Variants in ANKFY1 observed in about 807,000 individuals in gnomAD.
ANKFY1 encodes ankyrin repeat and FYVE domain-containing protein 1.
Under a neutral mutation model 128.3 loss-of-function variants are expected in ANKFY1, and 47 were observed. That is an observed-to-expected ratio of 0.37 (90% CI 0.29 to 0.47). The LOEUF is 0.47. Ranked by LOEUF, ANKFY1 falls within the 20% of genes least tolerant of loss-of-function variation. The probability of loss-of-function intolerance (pLI) is 1.00; values close to 1 mark genes in which losing one functional copy is unlikely to be tolerated. For synonymous variants in ANKFY1, 553 were observed against 601.6 expected (o/e 0.92, Z 1.18); for missense variants, 1,222 against 1,510.6 (o/e 0.81, Z 3.17).
intron 4 of ANKFY1, 43 bp downstream of exon 4, chr17:4,216,940 C>T: frequency 6.2e-7 from 1 of 1,612,680 alleles, no homozygotes; most frequent in Non-Finnish European, 8.5e-7. Flanking sequence ...TAAAGCTCAG[C>T]CACCACCATC....
intron 2 of ANKFY1, among the ~76,000 whole-genome samples, chr17:4,239,802 G>A (rs1412274545): frequency 6.6e-6 from 1 of 151,956 alleles, no homozygotes; most frequent in Non-Finnish European, 1.5e-5. Flanking sequence ...GCCTCCCAAA[G>A]TGCTGGGATT....
At chr17:4,242,632 C>G (rs1020339432) in intron 1 of ANKFY1, among the ~76,000 whole-genome samples, 184 bp from the exon 2 acceptor site, 4 of 152,236 alleles carry the variant, frequency 2.6e-5, no homozygotes, top group Non-Finnish European at 5.9e-5. Flanking sequence ...GTGGCTCACA[C>G]CTGTAATCCC....
Position 4,164,265 on chromosome 17 carries a change from ATATAT to A in ANKFY1, c.*3509_*3513del, listed in dbSNP as rs1234525744. The A allele has an allele frequency of 1.3e-5, 2 of 152,708 alleles. No individual in the cohort carries two copies. Among genetic ancestry groups the A allele is most frequent in the Admixed American group, 6.5e-5 (1 of 15,292 alleles). 9.5% of individuals were successfully genotyped at this position (152,708 alleles called of 1,614,324 possible). ...CAATGTTGTCAGTTGTAACAGGTTA[ATATAT>A]TATTTATGCCACACAAAAAAGGAAT... On this transcript the variant is annotated 3_prime_UTR_variant, in exon 25 of 25. Transcript: ENST00000341657.
rs2059518517 is a variant in ANKFY1 at position 4,181,644 on chromosome 17, A to G, written c.2122-272T>C. Among the ~76,000 whole-genome samples, 1 of 152,246 alleles carries G rather than the reference A, an allele frequency of 6.6e-6. No individual in the cohort carries two copies. Among genetic ancestry groups the G allele is most frequent in the Non-Finnish European group, 1.5e-5 (1 of 68,040 alleles). ...TTTGTGTCCTTTAGAGCTGAGTTCT[A>G]GAAGGGACAGAAAACAGAAAGTGTC... On this transcript the variant is annotated intron_variant, in intron 15 of 24. Coordinates refer to ENST00000341657, the MANE Select transcript of ANKFY1 (RefSeq NM_001330063.2). The surrounding 1 kb of genome is among the most constrained non-coding windows in gnomAD (Gnocchi z 4.9).
intron 3 of ANKFY1, among the ~76,000 whole-genome samples, chr17:4,233,657 T>TA (rs938604804): frequency 1.5e-4 from 23 of 152,230 alleles, no homozygotes; most frequent in African/African-American, 5.3e-4. Flanking sequence ...ACTCAGGTAT[T>TA]AGCCACCTCT....
At chr17:4,226,613 C>T (rs56172839) in intron 3 of ANKFY1, among the ~76,000 whole-genome samples, 4,362 of 151,594 alleles carry the variant, frequency 0.029, 97 homozygotes, top group Middle Eastern at 0.048. Context: ...CGTGGTGGCG[C>T]ATGCCTGCAA....
At position 4,166,956 on chromosome 17, in the gene ANKFY1, A is replaced by C. The variant is rs1184101294; in HGVS notation, c.*823T>G. ...TTTTGAATATGGATTTTTAAATTGGAATCACCGACAATGCAGCTCTATAAA... is the reference window on the plus strand; with the variant it reads ...TTTTGAATATGGATTTTTAAATTGGCATCACCGACAATGCAGCTCTATAAA... On this transcript the variant is annotated 3_prime_UTR_variant, in exon 25 of 25. Coordinates refer to ENST00000341657, the MANE Select transcript of ANKFY1 (RefSeq NM_001330063.2). 6.6e-6 allele frequency: 1 copy of C among 152,634 alleles called. No individual in the cohort carries two copies. The highest frequency in any genetic ancestry group is 1.5e-5 in the Non-Finnish European group (1 of 68,048). 9.5% of individuals were successfully genotyped at this position (152,634 alleles called of 1,614,324 possible).
At chr17:4,247,675 CT>C (rs1320346959) in intron 1 of ANKFY1, among the ~76,000 whole-genome samples, 3 of 152,196 alleles carry the variant, frequency 2.0e-5, no homozygotes, top group Admixed American at 2.0e-4. Flanking sequence ...TGTCACCAAG[CT>C]GTACAGTTCT....
At position 4,167,715 on chromosome 17, in the gene ANKFY1, T is replaced by C; in HGVS notation, c.*64A>G. On this transcript the variant is annotated 3_prime_UTR_variant, in exon 25 of 25. Transcript: ENST00000341657. This position sits in a 1 kb window ranked among gnomAD's most constrained non-coding sequence, Gnocchi z 4.1. ...GCTCCTGCTCTGGGTGGGGTCAGGC[T>C]GGTGAGCAGAGCAGCTGCTGGGGAG... is the stretch of plus-strand genomic sequence containing the variant. 6.6e-7 allele frequency: 1 copy of C among 1,520,394 alleles called. No homozygotes were observed. Among genetic ancestry groups the C allele is most frequent in the Non-Finnish European group, 8.9e-7 (1 of 1,127,528 alleles). The allele number at this position is 1,520,394 out of a possible 1,614,324, so 94.2% of individuals were successfully genotyped here. A position where few individuals can be genotyped will look rare whatever the true frequency, so the allele number is the denominator to read the frequency against.
At chr17:4,240,308 C>T (rs866031779) in intron 2 of ANKFY1, among the ~76,000 whole-genome samples, 2 of 151,914 alleles carry the variant, frequency 1.3e-5, no homozygotes, top group South Asian at 2.1e-4. Flanking sequence ...TCAGGTGACC[C>T]GCCCGCCTTG....
Position 4,254,318 on chromosome 17 carries a change from A to C in ANKFY1, c.10+9614T>G, listed in dbSNP as rs1456872106. ...GACTCCATCTCAAAAAAAAAAAAAA[A>C]AAAAAAAAAAAAAAAGGAAGGCACA... On this transcript the variant is annotated intron_variant, in intron 1 of 24. Transcript: ENST00000341657. Among the ~76,000 whole-genome samples, 113 of 150,208 alleles carry C rather than the reference A, an allele frequency of 7.5e-4. 3 individuals carry two copies. In the East Asian group the frequency reaches 0.015, roughly 20 times the overall value.
In ANKFY1 at chr17:4,170,795, C is replaced by T. The variant is rs200685853; in HGVS notation, c.3206G>A (p.Arg1069His). The change falls in exon 23 of 25, where the codon CGC becomes CAC. Residue 1069 changes from arginine to histidine, a missense_variant. Arg to His is a conservative substitution (Grantham distance 29). Transcript: ENST00000341657. ...TCCCTGGTTGTTATTCACCCCGAGG[C>T]GAGCCCCCGACCGGACGATGGCGCG... is the stretch of plus-strand genomic sequence containing the variant. ...LCRAIVRSGA[R>H]LGVNNNQGVN... 2.5e-4 allele frequency: 399 copies of T among 1,614,028 alleles called. No individual in the cohort carries two copies. The highest frequency in any genetic ancestry group is 3.2e-4 in the Non-Finnish European group (380 of 1,180,024).
chr17:4,173,912 T>C lies in ANKFY1; in HGVS notation c.2920A>G (p.Asn974Asp), dbSNP rs2059368052. Residue 974 changes from asparagine (N) to aspartate (D), a missense_variant, in exon 20 of 25, where the codon AAT becomes GAT. Coordinates refer to ENST00000341657, the MANE Select transcript of ANKFY1 (RefSeq NM_001330063.2). ...CTAAAGAATGACTGGGAGTTACCATTGTTTCCATTCTCATCCACGGCAGCA... is the reference window on the plus strand; with the variant it reads ...CTAAAGAATGACTGGGAGTTACCATCGTTTCCATTCTCATCCACGGCAGCA... The part of the protein sequence containing the change: ...DFAAVDENGN[N>D]ALHLAVMHGR... 1 of 1,612,550 alleles carries C rather than the reference T, an allele frequency of 6.2e-7. No homozygotes were observed.
intron 3 of ANKFY1, among the ~76,000 whole-genome samples, chr17:4,219,052 T>C (rs922233349): frequency 1.3e-5 from 2 of 152,196 alleles, no homozygotes; most frequent in African/African-American, 4.8e-5. Flanking sequence ...TATACTAAAA[T>C]ATCAACCCAG....
intron 19 of ANKFY1, among the ~76,000 whole-genome samples, chr17:4,175,462 C>T (rs1302856902): frequency 1.3e-5 from 2 of 152,182 alleles, no homozygotes; most frequent in East Asian, 3.8e-4. Flanking sequence ...CTCTTTCTGA[C>T]AAAGTTTAAA....
Position 4,183,531 on chromosome 17 carries a change from G to C in ANKFY1, c.1819C>G (p.Gln607Glu), listed in dbSNP as rs776340476. 1 of 1,612,518 alleles carries C rather than the reference G, an allele frequency of 6.2e-7. No homozygotes were observed. Among genetic ancestry groups the C allele is most frequent in the Non-Finnish European group, 8.5e-7 (1 of 1,180,018 alleles). ...LWTGMHTIAA[Q>E]LLGSGAAIND... ...ATGGCGGCTCCAGAGCCCAGCAGCT[G>C]GGCTGCGATCGTGTGCATGCCTGGG... Residue 607 changes from glutamine to glutamate, a missense_variant, in exon 14 of 25, where the codon CAG becomes GAG. Gln to Glu is a conservative substitution (Grantham distance 29, BLOSUM62 2). Coordinates refer to ENST00000341657, the MANE Select transcript of ANKFY1 (RefSeq NM_001330063.2).
At chr17:4,208,191 A>G in intron 5 of ANKFY1, 109 bp from the exon 6 acceptor site, 2 of 992,546 alleles carry the variant, frequency 2.0e-6, no homozygotes, top group Non-Finnish European at 2.8e-6. Flanking sequence ...TTAAGGGCTT[A>G]ACCTTTCCCA....
In ANKFY1 at chr17:4,178,866, A is replaced by G. The variant is rs1353385485; in HGVS notation, c.2589T>C (p.Ala863=). 2 of 1,614,212 alleles carry G rather than the reference A, an allele frequency of 1.2e-6. No homozygotes were observed. The highest frequency in any genetic ancestry group is 2.2e-5 in the South Asian group (2 of 91,084). Residue 863 remains alanine (A), a synonymous_variant, in exon 18 of 25, where the codon GCT becomes GCC. Transcript: ENST00000341657. This position sits in a 1 kb window ranked among gnomAD's most constrained non-coding sequence, Gnocchi z 4.1. The part of the protein sequence containing the change: ...AEAILKRESG[A]AEQVDNKGRN... Reference sequence around the variant, plus strand: ...GGTGTTATTCACTCACCTGCTCAGCAGCCCCGGACTCTCGTTTGAGAATGG... The same window carrying G: ...GGTGTTATTCACTCACCTGCTCAGCGGCCCCGGACTCTCGTTTGAGAATGG...
Position 4,196,181 on chromosome 17 carries a change from A to T in ANKFY1, c.1104-710T>A, listed in dbSNP as rs1019475932. 3.5e-5 allele frequency among the ~76,000 whole-genome samples: 4 copies of T among 115,476 alleles called. No homozygotes were observed. In the East Asian group the frequency reaches 8.8e-4, roughly 25 times the overall value. The allele number at this position is 115,476 out of a possible 152,430, so 75.8% of individuals were successfully genotyped here. A position where few individuals can be genotyped will look rare whatever the true frequency, so the allele number is the denominator to read the frequency against. On this transcript the variant is annotated intron_variant, in intron 8 of 24. Coordinates refer to ENST00000341657, the MANE Select transcript of ANKFY1 (RefSeq NM_001330063.2). ...CACACACACACACACACACACACAC[A>T]CACACACACACTGCGAGTTTATTGC...
Sources: allele counts gnomAD v4.1 joint callset (sites outside exome capture counted in the v4.1 genomes callset), GRCh38; gene constraint gnomAD v4.1.1; non-coding constraint Gnocchi (gnomAD v3.1); transcripts MANE v1.5; gene names NCBI Gene and HGNC (gene_info 2026-07-23, HGNC 2026-07-21).